The following MIPEP variants were observed in gnomAD, a reference collection of about 807,000 sequenced individuals.
MIPEP encodes the protein mitochondrial intermediate peptidase.
In MIPEP, 79 loss-of-function variants were observed where a neutral mutation model predicts 90.3. The observed-to-expected ratio is 0.87, with a 90% CI of 0.73 to 1.05. The LOEUF (loss-of-function observed/expected upper bound fraction) is 1.05, where lower values mean the gene tolerates loss of function less well. Among genes scored for constraint, MIPEP ranks in the 50% least tolerant of loss-of-function variants. The pLI, the probability that MIPEP is intolerant of heterozygous loss-of-function variation, is 0.00. For missense variants in MIPEP, 940 were observed against 905.6 expected (o/e 1.04, Z -0.49); for synonymous variants, 334 against 315.8 (o/e 1.06, Z -0.61).
At chr13:23,745,433 A>G (rs1340800558) in intron 18 of MIPEP, among the ~76,000 whole-genome samples, 2 of 152,246 alleles carry the variant, frequency 1.3e-5, no homozygotes, top group African/African-American at 4.8e-5. Flanking sequence ...ATCCTCTAGC[A>G]ACATTTCATA....
chr13:23,819,343 C>T (rs1953279046), intron 14 of MIPEP, among the ~76,000 whole-genome samples: 1 of 152,300 alleles, frequency 6.6e-6, no homozygotes, highest in African/African-American at 2.4e-5. Context: ...TATGGAAGCT[C>T]CCTTTGCTTT....
chr13:23,825,226 T>C (rs942384231), intron 14 of MIPEP, among the ~76,000 whole-genome samples: 2 of 152,210 alleles, frequency 1.3e-5, no homozygotes, highest in African/African-American at 2.4e-5. Flanking sequence ...CTAGACATAA[T>C]TGAGAAGCAT....
Position 23,846,908 on chromosome 13 carries a change from T to C in MIPEP, c.1107-5420A>G, listed in dbSNP as rs116531022. ...GACAGTGGGCTAAGCCCTTTATACATATCTCATTTAACAGCAAAAACGATC... is the reference window on the plus strand; with the variant it reads ...GACAGTGGGCTAAGCCCTTTATACACATCTCATTTAACAGCAAAAACGATC... On this transcript the variant is annotated intron_variant, in intron 10 of 18. Transcript: ENST00000382172. 4.3e-3 allele frequency among the ~76,000 whole-genome samples: 651 copies of C among 152,326 alleles called. 2 individuals are homozygous for C. The highest frequency in any genetic ancestry group is 0.015 in the African/African-American group (624 of 41,560).
intron 14 of MIPEP, among the ~76,000 whole-genome samples, chr13:23,822,972 G>C (rs562013600): frequency 6.6e-6 from 1 of 151,408 alleles, no homozygotes; most frequent in Admixed American, 6.6e-5. Context: ...TGCAACCTCC[G>C]CTGGGCGCTT....
intron 8 of MIPEP, among the ~76,000 whole-genome samples, chr13:23,862,605 C>G (rs1870354288): frequency 6.6e-6 from 1 of 152,136 alleles, no homozygotes; most frequent in Admixed American, 6.5e-5. Flanking sequence ...CTCAAGAGTA[C>G]TAAAGCTTGG....
intron 16 of MIPEP, among the ~76,000 whole-genome samples, chr13:23,771,566 CACAT>C (rs1361241090): frequency 6.1e-4 from 88 of 145,052 alleles, no homozygotes; most frequent in African/African-American, 2.1e-3. Flanking sequence ...CACACACACA[CACAT>C]CTGCATTTCT....
chr13:23,862,764 T>C (rs1382507881), intron 8 of MIPEP, among the ~76,000 whole-genome samples: 1 of 152,248 alleles, frequency 6.6e-6, no homozygotes, highest in Non-Finnish European at 1.5e-5. Flanking sequence ...CTAGTCATTT[T>C]TCCCCTTTGG....
rs1259220045 is a variant in MIPEP at position 23,867,175 on chromosome 13, C to G, written c.943+2117G>C. Among the ~76,000 whole-genome samples the G allele has an allele frequency of 2.6e-5, 4 of 152,112 alleles. No homozygotes were observed. In the South Asian group the frequency reaches 6.2e-4, roughly 24 times the overall value. On this transcript the variant is annotated intron_variant, in intron 7 of 18. Transcript: ENST00000382172. ...CCTCTGCCCCAACCCCCACAGTGAC[C>G]TGCTGCACTTGCATCAAGTCTCTAC...
intron 14 of MIPEP, among the ~76,000 whole-genome samples, chr13:23,817,303 T>C (rs1399036244): frequency 3.9e-5 from 6 of 152,210 alleles, no homozygotes; most frequent in Non-Finnish European, 7.3e-5. Context: ...CATCAGAGAC[T>C]ATCATGAAGA....
chr13:23,842,168 C>T (rs986680801), intron 10 of MIPEP: 1 of 152,042 alleles, frequency 6.6e-6, no homozygotes, highest in Non-Finnish European at 1.5e-5. Context: ...TTAAGTCAAG[C>T]CAAAATATAT....
chr13:23,785,027 T>C (rs1952823136), intron 16 of MIPEP, among the ~76,000 whole-genome samples: 1 of 152,156 alleles, frequency 6.6e-6, no homozygotes, highest in Non-Finnish European at 1.5e-5. Flanking sequence ...AGGAACACTT[T>C]TACACTGTTG....
chr13:23,855,112 GATTTTTT>G (rs1192202542), intron 10 of MIPEP, among the ~76,000 whole-genome samples: 4 of 152,118 alleles, frequency 2.6e-5, no homozygotes, highest in African/African-American at 9.6e-5. Flanking sequence ...TAACATTGTT[GATTTTTT>G]GAGCCATGTG....
intron 16 of MIPEP, among the ~76,000 whole-genome samples, chr13:23,793,517 T>G (rs1172799978): frequency 1.3e-5 from 2 of 152,182 alleles, no homozygotes; most frequent in Non-Finnish European, 2.9e-5. Flanking sequence ...GTGTACTTTA[T>G]GTACATTATA....
In MIPEP at chr13:23,822,253, A is replaced by C. The variant is rs1448732993; in HGVS notation, c.1654-12329T>G. On this transcript the variant is annotated intron_variant, in intron 14 of 18. Coordinates refer to ENST00000382172, the MANE Select transcript of MIPEP (RefSeq NM_005932.4). The stretch of plus-strand genomic sequence containing the variant: ...GTAATAATCCAACCTGAATTTTTCC[A>C]CAATTACCACTGTATTTAAAACAGT... Among the ~76,000 whole-genome samples, 6 of 152,336 alleles carry C rather than the reference A, an allele frequency of 3.9e-5. No homozygotes were observed. In the South Asian group the frequency reaches 6.2e-4, roughly 16 times the overall value.
At chr13:23,824,832 A>G (rs554365537) in intron 14 of MIPEP, among the ~76,000 whole-genome samples, 1 of 152,342 alleles carries the variant, frequency 6.6e-6, no homozygotes, top group East Asian at 1.9e-4. Context: ...AAGATGATCT[A>G]AGATTTAAAA....
chr13:23,889,162 G>A lies in MIPEP; in HGVS notation c.159C>T (p.Gly53=). 1 of 1,466,038 alleles carries A rather than the reference G, an allele frequency of 6.8e-7. No individual in the cohort carries two copies. The highest frequency in any genetic ancestry group is 9.0e-7 in the Non-Finnish European group (1 of 1,110,486). The allele number at this position is 1,466,038 out of a possible 1,614,324, so 90.8% of individuals were successfully genotyped here. A position where few individuals can be genotyped will look rare whatever the true frequency, so the allele number is the denominator to read the frequency against. Residue 53 remains glycine, a synonymous_variant, in exon 1 of 19, where the codon GGC becomes GGT. Transcript: ENST00000382172. ...GCTCGCCGAACAGGTCCAAGCGGCT[G>A]CCCTGGGGCTTGACATTGAAGGCGG... is the stretch of plus-strand genomic sequence containing the variant. The part of the protein sequence containing the change: ...VGAAFNVKPQ[G]SRLDLFGERR...
intron 16 of MIPEP, among the ~76,000 whole-genome samples, chr13:23,801,828 A>G (rs1953045900): frequency 6.6e-6 from 1 of 152,224 alleles, no homozygotes; most frequent in Non-Finnish European, 1.5e-5. Context: ...CTCTGATGAC[A>G]ATCACTTGGG....
rs147728277 is a variant in MIPEP, at chr13:23,872,213, G to C, written c.604-2018C>G. 3.1e-3 allele frequency among the ~76,000 whole-genome samples: 477 copies of C among 152,342 alleles called. 4 individuals carry two copies. The highest frequency in any genetic ancestry group is 0.011 in the African/African-American group (440 of 41,574). ...GCAGTGGCTCACGCCTATAATCCCA[G>C]AACTTTGGGAGGCTGAGGCAGGTGG... On this transcript the variant is annotated intron_variant, in intron 5 of 18. Transcript: ENST00000382172.
intron 4 of MIPEP, among the ~76,000 whole-genome samples, chr13:23,877,557 G>A (rs968716591): frequency 6.6e-6 from 1 of 152,148 alleles, no homozygotes; most frequent in Non-Finnish European, 1.5e-5. Flanking sequence ...TTCAAGCAGG[G>A]AAATACATTG....
Sources: allele counts gnomAD v4.1 joint callset (sites outside exome capture counted in the v4.1 genomes callset), GRCh38; gene constraint gnomAD v4.1.1; transcripts MANE v1.5; gene names NCBI Gene and HGNC (gene_info 2026-07-23, HGNC 2026-07-21).